Variants in SUPT3H observed in about 807,000 individuals in gnomAD.
The protein encoded by SUPT3H is transcription initiation protein SPT3 homolog.
SUPT3H carries 44 observed loss-of-function variants against 44.3 expected under a neutral mutation model. The ratio of observed to expected loss-of-function variants is 0.99; its 90% CI spans 0.78 to 1.28. The LOEUF (loss-of-function observed/expected upper bound fraction) is 1.28. Ranked by LOEUF, SUPT3H falls within the 50% of genes most tolerant of loss-of-function variation. SUPT3H has a pLI of 0.00. For synonymous variants in SUPT3H, 124 were observed against 125.6 expected, an observed-to-expected ratio of 0.99 and a Z score of 0.09; for missense variants, 380 against 387.1, an observed-to-expected ratio of 0.98 and a Z score of 0.15.
intron 10 of SUPT3H, among the ~76,000 whole-genome samples, chr6:44,834,396 A>T (rs1365387820): frequency 6.6e-6 from 1 of 152,102 alleles, no homozygotes; most frequent in African/African-American, 2.4e-5. Flanking sequence ...ACTTTAGGTT[A>T]TCTGTAGATT....
At chr6:44,961,877 A>G (rs754368464) in intron 6 of SUPT3H, 49 bp from the exon 7 acceptor site, 2 of 1,425,096 alleles carry the variant, frequency 1.4e-6, no homozygotes. Context: ...AGATTATTAT[A>G]TATGTTTTCA....
intron 2 of SUPT3H, among the ~76,000 whole-genome samples, chr6:45,165,387 T>C (rs142842803): frequency 8.5e-5 from 13 of 152,334 alleles, no homozygotes; most frequent in African/African-American, 3.1e-4. Context: ...GAAATGTGCC[T>C]ATTTCCAGGA....
intron 2 of SUPT3H, among the ~76,000 whole-genome samples, chr6:45,349,608 G>T: frequency 6.6e-6 from 1 of 152,152 alleles, no homozygotes; most frequent in Non-Finnish European, 1.5e-5. Context: ...GCACACTAAG[G>T]TTTGGGAACC....
intron 2 of SUPT3H, among the ~76,000 whole-genome samples, chr6:45,254,952 C>T (rs1189089333): frequency 6.6e-6 from 1 of 152,170 alleles, no homozygotes. Flanking sequence ...GGCTATCTAC[C>T]CATTAATCAC....
At chr6:44,862,271 C>T (rs1476670357) in intron 10 of SUPT3H, among the ~76,000 whole-genome samples, 1 of 152,004 alleles carries the variant, frequency 6.6e-6, no homozygotes, top group African/African-American at 2.4e-5. Flanking sequence ...CAAAATTCAG[C>T]TCAGGCAATC....
intron 10 of SUPT3H, among the ~76,000 whole-genome samples, chr6:44,908,025 A>T (rs538801): frequency 0.39 from 59,875 of 152,024 alleles, 12,787 homozygotes; most frequent in Non-Finnish European, 0.48. Context: ...AATAACCAAA[A>T]CTGCTGAAAT....
At chr6:44,833,192 C>A (rs931085437) in intron 10 of SUPT3H, among the ~76,000 whole-genome samples, 1 of 152,110 alleles carries the variant, frequency 6.6e-6, no homozygotes, top group African/African-American at 2.4e-5. Context: ...AATAAACTAG[C>A]ATAAGAATCT....
chr6:44,810,577 A>G (rs1234342547), intron 11 of SUPT3H, among the ~76,000 whole-genome samples: 1 of 147,790 alleles, frequency 6.8e-6, no homozygotes, highest in Non-Finnish European at 1.5e-5. Context: ...TGGATGTGTC[A>G]TATAGGACTT....
At chr6:44,880,200 TG>T (rs1263938914) in intron 10 of SUPT3H, among the ~76,000 whole-genome samples, 2 of 152,090 alleles carry the variant, frequency 1.3e-5, no homozygotes, top group Non-Finnish European at 2.9e-5. Context: ...GAGGAATTGC[TG>T]TCTAGAATAA....
chr6:45,212,210 A>G (rs1307248836), intron 2 of SUPT3H, among the ~76,000 whole-genome samples: 2 of 152,156 alleles, frequency 1.3e-5, no homozygotes, highest in African/African-American at 2.4e-5. Flanking sequence ...GCAAGATCAA[A>G]TATACACACT....
chr6:45,142,005 TA>T (rs2153590458), intron 2 of SUPT3H, among the ~76,000 whole-genome samples: 1 of 152,270 alleles, frequency 6.6e-6, no homozygotes, highest in Non-Finnish European at 1.5e-5. Flanking sequence ...AAGCATCAGG[TA>T]ACCTATAAGG....
At chr6:45,080,308 T>C (rs917742536) in intron 3 of SUPT3H, among the ~76,000 whole-genome samples, 1 of 152,158 alleles carries the variant, frequency 6.6e-6, no homozygotes, top group Non-Finnish European at 1.5e-5. Context: ...GGTGAGAATG[T>C]GGAGGAAAGG....
At chr6:44,941,897 G>T (rs1477050856) in intron 9 of SUPT3H, among the ~76,000 whole-genome samples, 1 of 152,124 alleles carries the variant, frequency 6.6e-6, no homozygotes, top group East Asian at 1.9e-4. Flanking sequence ...AATATAGAAA[G>T]AAGTGTATAA....
chr6:45,197,526 T>C (rs1816261277), intron 2 of SUPT3H: 1 of 240,532 alleles, frequency 4.2e-6, no homozygotes, highest in Non-Finnish European at 8.4e-6. Context: ...ATATCCTCTA[T>C]AATACATGCT....
chr6:44,861,393 T>TC (rs70993480), intron 10 of SUPT3H, among the ~76,000 whole-genome samples: 15 of 150,370 alleles, frequency 1.0e-4, no homozygotes, highest in Middle Eastern at 3.4e-3. Context: ...TCTTTTCTTT[T>TC]TGTTTTTTTT....
intron 2 of SUPT3H, among the ~76,000 whole-genome samples, chr6:45,216,842 C>T (rs575723924): frequency 4.6e-5 from 7 of 152,126 alleles, no homozygotes; most frequent in Admixed American, 2.6e-4. Context: ...GACTCCAATA[C>T]ATGTATGAGC....
intron 5 of SUPT3H, among the ~76,000 whole-genome samples, chr6:45,005,034 T>C (rs1322498678): frequency 1.3e-5 from 2 of 152,152 alleles, no homozygotes; most frequent in Non-Finnish European, 2.9e-5. Context: ...TGGCTTAATG[T>C]TTATGGCATA....
intron 2 of SUPT3H, among the ~76,000 whole-genome samples, chr6:45,292,376 C>G (rs555633817): frequency 6.6e-6 from 1 of 151,822 alleles, no homozygotes; most frequent in African/African-American, 2.4e-5. Context: ...AACAAAAATA[C>G]AATTTTAAAA....
chr6:44,878,428 A>G (rs1298081904), intron 10 of SUPT3H, among the ~76,000 whole-genome samples: 3 of 151,484 alleles, frequency 2.0e-5, no homozygotes, highest in Admixed American at 6.6e-5. Flanking sequence ...TTTTTTGGAG[A>G]TATTTGGGCT....
Sources: gnomAD v4.1 joint callset for allele counts (sites outside exome capture counted in the v4.1 genomes callset) on GRCh38, gnomAD v4.1.1 for gene constraint, MANE v1.5 for transcripts, NCBI Gene and HGNC (gene_info 2026-07-23, HGNC 2026-07-21) for gene names.